TTLL7: variants seen among roughly 807,000 people sequenced by gnomAD.
The protein encoded by TTLL7 is tubulin tyrosine ligase like 7.
TTLL7 carries 53 observed loss-of-function variants against 120.2 expected under a neutral mutation model. The observed-to-expected ratio is 0.44, with a 90% confidence interval of 0.35 to 0.55. The LOEUF (loss-of-function observed/expected upper bound fraction) is 0.55, where lower values mean the gene tolerates loss of function less well. Among genes scored for constraint, TTLL7 ranks in the 20% least tolerant of loss-of-function variants. The pLI is 0.00. For synonymous variants in TTLL7, 353 were observed against 351.7 expected (o/e 1.00, Z -0.04); for missense variants, 803 against 1,054.7 (o/e 0.76, Z 3.31).
intron 20 of TTLL7, among the ~76,000 whole-genome samples, chr1:83,876,574 T>C (rs1220309727): frequency 6.6e-6 from 1 of 152,010 alleles, no homozygotes; most frequent in African/African-American, 2.4e-5. Flanking sequence ...TAATATTGAG[T>C]GCAATGATGA....
intron 18 of TTLL7, among the ~76,000 whole-genome samples, chr1:83,896,199 G>A (rs1468980634): frequency 6.6e-6 from 1 of 152,002 alleles, no homozygotes; most frequent in Non-Finnish European, 1.5e-5. Flanking sequence ...GTGGGCTTAC[G>A]TGAGGCTAAT....
intron 1 of TTLL7, chr1:83,984,184 T>A (rs1489056283): frequency 6.6e-6 from 1 of 152,162 alleles, no homozygotes; most frequent in Non-Finnish European, 1.5e-5. Context: ...ACATCACTAA[T>A]CATCAGAGAA....
chr1:83,926,213 A>G lies in TTLL7; in HGVS notation c.1142+2923T>C, dbSNP rs116809085. On this transcript the variant is annotated intron_variant, in intron 10 of 20. Transcript: ENST00000260505. ...TTGTTAGCAGAGAAAAAAATAATAAACCCAGGAGGAACATGATCGAAGGAG... is the reference window on the plus strand; with the variant it reads ...TTGTTAGCAGAGAAAAAAATAATAAGCCCAGGAGGAACATGATCGAAGGAG... Among the ~76,000 whole-genome samples the G allele has an allele frequency of 5.0e-3, 761 of 152,108 alleles. 12 individuals carry two copies. Among genetic ancestry groups the G allele is most frequent in the African/African-American group, 0.018 (727 of 41,504 alleles).
chr1:83,976,042 T>C (rs1651447803), intron 1 of TTLL7, among the ~76,000 whole-genome samples: 1 of 24,784 alleles, frequency 4.0e-5, no homozygotes, highest in African/African-American at 1.2e-4. Context: ...TCTGTGTGTG[T>C]GTGTGTGTGT....
intron 18 of TTLL7, among the ~76,000 whole-genome samples, chr1:83,900,657 C>CTT (rs1656642306): frequency 6.6e-6 from 1 of 151,958 alleles, no homozygotes; most frequent in African/African-American, 2.4e-5. Flanking sequence ...ATGGAGATGC[C>CTT]TTATCACTGT....
intron 15 of TTLL7, 46 bp from the exon 16 acceptor site, chr1:83,907,707 C>T (rs913736537): frequency 1.9e-6 from 3 of 1,549,210 alleles, no homozygotes; most frequent in African/African-American, 1.4e-5. Flanking sequence ...AGTATTAATA[C>T]AAGTTTTTCA....
intron 14 of TTLL7, among the ~76,000 whole-genome samples, chr1:83,915,781 C>CA (rs1347175998): frequency 1.4e-5 from 2 of 146,120 alleles, no homozygotes; most frequent in Non-Finnish European, 3.0e-5. Flanking sequence ...ACAATGAACT[C>CA]AAACAAATTT....
intron 18 of TTLL7, among the ~76,000 whole-genome samples, chr1:83,892,136 G>A (rs1044211357): frequency 6.6e-6 from 1 of 151,036 alleles, no homozygotes; most frequent in Admixed American, 6.6e-5. Flanking sequence ...GCCATGATAC[G>A]CTTGTAATAG....
At chr1:83,985,703 A>T (rs1301306523) in intron 1 of TTLL7, among the ~76,000 whole-genome samples, 1 of 152,146 alleles carries the variant, frequency 6.6e-6, no homozygotes, top group Non-Finnish European at 1.5e-5. Context: ...ATAAATAAAT[A>T]AATAAACAAA....
At chr1:83,968,317 T>A (rs1650670580) in intron 1 of TTLL7, among the ~76,000 whole-genome samples, 2 of 151,974 alleles carry the variant, frequency 1.3e-5, no homozygotes, top group Non-Finnish European at 2.9e-5. Context: ...TTGCCTGCCA[T>A]CTTTTCTGCT....
At chr1:83,945,271 T>A (rs1048804419) in intron 6 of TTLL7, among the ~76,000 whole-genome samples, 2 of 152,068 alleles carry the variant, frequency 1.3e-5, no homozygotes, top group African/African-American at 4.8e-5. Context: ...CCCTTTAAAG[T>A]CAAAGACTCA....
intron 16 of TTLL7, among the ~76,000 whole-genome samples, chr1:83,907,019 C>T (rs933640922): frequency 1.8e-4 from 27 of 152,104 alleles, no homozygotes; most frequent in African/African-American, 6.5e-4. Context: ...ATTTAACATA[C>T]AGAACACATT....
At chr1:83,972,514 C>T (rs917458089) in intron 1 of TTLL7, among the ~76,000 whole-genome samples, 1 of 152,066 alleles carries the variant, frequency 6.6e-6, no homozygotes, top group African/African-American at 2.4e-5. Flanking sequence ...ATCTTGGTTG[C>T]TTCCAGGTTT....
chr1:83,926,494 A>G (rs1470772904), intron 10 of TTLL7, among the ~76,000 whole-genome samples: 1 of 152,160 alleles, frequency 6.6e-6, no homozygotes, highest in East Asian at 1.9e-4. Context: ...GATGCCACAA[A>G]AGGGAGTAAG....
chr1:83,951,977 C>CT lies in TTLL7; in HGVS notation c.26-2dup. The CT allele has an allele frequency of 6.3e-7, 1 of 1,598,144 alleles. No homozygotes were observed. Among genetic ancestry groups the CT allele is most frequent in the Non-Finnish European group, 8.5e-7 (1 of 1,175,636 alleles). ...TCCAGGGGAGAGGGTCCCTGAATAA[C>CT]TTTAAAAAAATGTAAAATAATCAGA... On this transcript the variant is annotated splice_acceptor_variant, in intron 2 of 20. Transcript: ENST00000260505. LOFTEE classifies it high-confidence loss of function.
intron 6 of TTLL7, among the ~76,000 whole-genome samples, chr1:83,944,191 C>G (rs1648250895): frequency 6.6e-6 from 1 of 151,894 alleles, no homozygotes; most frequent in East Asian, 1.9e-4. Flanking sequence ...ACACACATAA[C>G]AGGAGTCTCA....
intron 10 of TTLL7, among the ~76,000 whole-genome samples, chr1:83,925,740 T>C (rs913391691): frequency 6.6e-6 from 1 of 152,200 alleles, no homozygotes; most frequent in African/African-American, 2.4e-5. Context: ...AGCATATATA[T>C]TTCCCTTTTA....
At position 83,944,707 on chromosome 1, in the gene TTLL7, C is replaced by T. The variant is rs146823967; in HGVS notation, c.507-2028G>A. The stretch of plus-strand genomic sequence containing the variant: ...TGGGTGACTGAGTGACAGAGCGAGA[C>T]TCCGTCTTAAAAAACAAAAAAGTCT... On this transcript the variant is annotated intron_variant, in intron 6 of 20. Transcript: ENST00000260505. Among the ~76,000 whole-genome samples the T allele has an allele frequency of 1.7e-3, 257 of 152,276 alleles. 2 individuals are homozygous for T. Among genetic ancestry groups the T allele is most frequent in the African/African-American group, 5.7e-3 (239 of 41,566 alleles).
At position 83,919,259 on chromosome 1, in the gene TTLL7, A is replaced by AGTGTGTGT. The variant is rs111745254; in HGVS notation, c.1500+432_1500+439dup. On this transcript the variant is annotated intron_variant, in intron 13 of 20. Coordinates refer to ENST00000260505, the MANE Select transcript of TTLL7 (RefSeq NM_024686.6). ...CCTTTTACTATGGTGTACAGATTAGAGTGTGTGTGTGTGTGTGTGTGTGTG... is the reference window on the plus strand; with the variant it reads ...CCTTTTACTATGGTGTACAGATTAGAGTGTGTGTGTGTGTGTGTGTGTGTGTGTGTGTG... Among the ~76,000 whole-genome samples, 793 of 147,046 alleles carry AGTGTGTGT rather than the reference A, an allele frequency of 5.4e-3. 7 individuals carry two copies. The highest frequency in any genetic ancestry group is 0.043 in the East Asian group (214 of 4,970).
Sources: allele counts gnomAD v4.1 joint callset (sites outside exome capture counted in the v4.1 genomes callset), GRCh38; gene constraint gnomAD v4.1.1; transcripts MANE v1.5; gene names NCBI Gene and HGNC (gene_info 2026-07-23, HGNC 2026-07-21).